The following RINT1 variants were observed in gnomAD, a reference collection of about 807,000 sequenced individuals.
RINT1 encodes the protein RAD50-interacting protein 1.
In RINT1, 75 loss-of-function variants were observed where a neutral mutation model predicts 97.7. The ratio of observed to expected loss-of-function variants is 0.77; its 90% CI spans 0.64 to 0.93. The LOEUF is 0.93. Among genes scored for constraint, RINT1 ranks in the 40% least tolerant of loss-of-function variants. RINT1 has a pLI of 0.00. For missense variants in RINT1, 892 were observed against 925.2 expected (o/e 0.96, Z 0.47); for synonymous variants, 303 against 326.3 (o/e 0.93, Z 0.77).
Position 105,551,690 on chromosome 7 carries a change from T to C in RINT1, c.1454T>C (p.Leu485Pro). ...VPDCAETFMTLLLVITDRYKN... is the reference protein window; with the variant it reads ...VPDCAETFMTPLLVITDRYKN... Reference sequence around the variant, plus strand: ...GATTGTGCAGAAACTTTTATGACTCTACTCTTGGTTATAACTGGTAAGTAT... The same window carrying C: ...GATTGTGCAGAAACTTTTATGACTCCACTCTTGGTTATAACTGGTAAGTAT... Residue 485 changes from leucine (L) to proline (P), a missense_variant, in exon 10 of 15, where the codon CTA becomes CCA. Coordinates refer to ENST00000257700, the MANE Select transcript of RINT1 (RefSeq NM_021930.6). 2 of 1,605,456 alleles carry C rather than the reference T, an allele frequency of 1.2e-6. No homozygotes were observed. The highest frequency in any genetic ancestry group is 1.7e-6 in the Non-Finnish European group (2 of 1,176,518).
chr7:105,565,352 G>T lies in RINT1; in HGVS notation c.1962G>T (p.Thr654=). The T allele has an allele frequency of 1.2e-6, 2 of 1,614,166 alleles. No individual in the cohort carries two copies. The highest frequency in any genetic ancestry group is 1.7e-6 in the Non-Finnish European group (2 of 1,180,026). ...LSSSACPLLL[T]LRDHLLQLEQ... ...GTTCGGCTTGCCCGTTGCTGCTGAC[G>T]TTACGAGACCATTTACTTCAGTTGG... The change falls in exon 13 of 15, where the codon ACG becomes ACT. Residue 654 remains threonine, a synonymous_variant. Transcript: ENST00000257700.
chr7:105,551,564 T>A lies in RINT1; in HGVS notation c.1334-6T>A. The A allele has an allele frequency of 6.3e-7, 1 of 1,589,476 alleles. No homozygotes were observed. The highest frequency in any genetic ancestry group is 8.6e-7 in the Non-Finnish European group (1 of 1,168,014). ...AATTGACATAATTGTTTTGTCTGCTTATCAGTTGCTCTTCAAAAAATGGAC... is the reference window on the plus strand; with the variant it reads ...AATTGACATAATTGTTTTGTCTGCTAATCAGTTGCTCTTCAAAAAATGGAC... On this transcript the variant is annotated splice_region_variant and splice_polypyrimidine_tract_variant and intron_variant, in intron 9 of 14. Transcript: ENST00000257700.
chr7:105,541,822 A>G (rs1201903619), intron 3 of RINT1: 4 of 152,216 alleles, frequency 2.6e-5, no homozygotes, highest in Non-Finnish European at 5.9e-5. Context: ...TGCTGAGCCT[A>G]TGGAGGCAGA....
intron 6 of RINT1, 57 bp downstream of exon 6, chr7:105,547,390 T>C (rs1162600846): frequency 1.3e-6 from 2 of 1,566,502 alleles, no homozygotes; most frequent in Admixed American, 1.8e-5. Context: ...AATGGGTTTG[T>C]GGCTAGAGAG....
chr7:105,553,120 A>G (rs1042360909), intron 10 of RINT1, among the ~76,000 whole-genome samples: 1 of 152,042 alleles, frequency 6.6e-6, no homozygotes, highest in Non-Finnish European at 1.5e-5. Flanking sequence ...TCAGGTACCT[A>G]TTGCCAAAGT....
chr7:105,551,069 C>T (rs1361061166), intron 9 of RINT1, among the ~76,000 whole-genome samples: 1 of 152,024 alleles, frequency 6.6e-6, no homozygotes, highest in Non-Finnish European at 1.5e-5. Flanking sequence ...CACTTTGTCA[C>T]CGAGGCTAGA....
intron 7 of RINT1, 123 bp from the exon 8 acceptor site, chr7:105,549,932 A>G (rs868190625): frequency 2.6e-5 from 16 of 610,030 alleles, no homozygotes; most frequent in Non-Finnish European, 3.4e-5. Flanking sequence ...TTGTGCTCTT[A>G]CATACAGGAA....
intron 9 of RINT1, among the ~76,000 whole-genome samples, chr7:105,551,339 A>G (rs566936936): frequency 2.0e-5 from 3 of 152,268 alleles, no homozygotes; most frequent in South Asian, 4.1e-4. Context: ...GGCCAATAGA[A>G]TATTTTTTAC....
At position 105,563,414 on chromosome 7, in the gene RINT1, G is replaced by A. The variant is rs369933304; in HGVS notation, c.1672-319G>A. ...CTCACTTTGTCGCCCAGGCTGGAGT[G>A]CAGAGGCATGATCTCGGCTCACTGC... On this transcript the variant is annotated intron_variant, in intron 11 of 14. Coordinates refer to ENST00000257700, the MANE Select transcript of RINT1 (RefSeq NM_021930.6). Among the ~76,000 whole-genome samples the A allele has an allele frequency of 2.6e-5, 4 of 152,310 alleles. No homozygotes were observed. The East Asian group carries it at 5.8e-4, about 22-fold the overall frequency.
intron 11 of RINT1, among the ~76,000 whole-genome samples, chr7:105,561,217 A>G (rs1791422843): frequency 6.6e-6 from 1 of 151,940 alleles, no homozygotes. Context: ...GTGTCGTTTA[A>G]AAAATATTTT....
Position 105,536,630 on chromosome 7 carries a change from C to G in RINT1, c.154C>G (p.Leu52Val). ...CAGTGAAGGTACAGATAATGGTGAT[C>G]TCCCTTCTTATGTGTCTGCATTCAT... ...QVSEGTDNGD[L>V]PSYVSAFIEK... Residue 52 changes from leucine (L) to valine (V), a missense_variant, in exon 3 of 15, where the codon CTC becomes GTC. Physicochemically the swap from Leu to Val is conservative, Grantham distance 32. Transcript: ENST00000257700. 1.2e-6 allele frequency: 2 copies of G among 1,611,700 alleles called. No homozygotes were observed. The highest frequency in any genetic ancestry group is 1.7e-6 in the Non-Finnish European group (2 of 1,178,582).
intron 3 of RINT1, among the ~76,000 whole-genome samples, chr7:105,537,023 T>C (rs544308387): frequency 1.1e-3 from 175 of 152,260 alleles, no homozygotes; most frequent in African/African-American, 3.2e-3. Context: ...TTCCTTTCAA[T>C]CTGTTTCTAG....
In RINT1 at chr7:105,563,647, A is replaced by C. The variant is rs1009993069; in HGVS notation, c.1672-86A>C. ...GTGCCCGGTCGAATTATACACTTTA[A>C]ATGGGTGAATTGTATGACATATGAA... On this transcript the variant is annotated intron_variant, in intron 11 of 14. Coordinates refer to ENST00000257700, the MANE Select transcript of RINT1 (RefSeq NM_021930.6). 42 of 1,154,666 alleles carry C rather than the reference A, an allele frequency of 3.6e-5. 1 individual carries two copies. The Admixed American group carries it at 8.2e-4, about 23-fold the overall frequency. The allele number at this position is 1,154,666 out of a possible 1,614,324, so 71.5% of individuals were successfully genotyped here. A position where few individuals can be genotyped will look rare whatever the true frequency, so the allele number is the denominator to read the frequency against.
chr7:105,548,432 T>C, intron 6 of RINT1, 122 bp from the exon 7 acceptor site: 1 of 802,186 alleles, frequency 1.2e-6, no homozygotes, highest in Non-Finnish European at 2.1e-6. Context: ...ATTTGCATCA[T>C]AATTAACTCT....
intron 2 of RINT1, among the ~76,000 whole-genome samples, chr7:105,535,233 T>C (rs1393115309): frequency 1.3e-5 from 2 of 149,870 alleles, no homozygotes; most frequent in Non-Finnish European, 3.0e-5. Context: ...AAAAACCTTT[T>C]TTTTTTTTTT....
chr7:105,564,360 T>G (rs1392830960), intron 12 of RINT1, among the ~76,000 whole-genome samples: 1 of 152,190 alleles, frequency 6.6e-6, no homozygotes, highest in Non-Finnish European at 1.5e-5. Flanking sequence ...GTGCTAGGAT[T>G]ACAGGTGTGA....
rs749178953 is a variant in RINT1 at position 105,551,678 on chromosome 7, C to A, written c.1442C>A (p.Thr481Asn). Reference sequence around the variant, plus strand: ...ATGAAAGTTCCAGATTGTGCAGAAACTTTTATGACTCTACTCTTGGTTATA... The same window carrying A: ...ATGAAAGTTCCAGATTGTGCAGAAAATTTTATGACTCTACTCTTGGTTATA... ...DEMKVPDCAE[T>N]FMTLLLVITD... The change falls in exon 10 of 15, where the codon ACT (threonine) becomes AAT (asparagine). Residue 481 changes from threonine (T) to asparagine (N), a missense_variant. Physicochemically the swap from Thr to Asn is moderately conservative, Grantham distance 65 (BLOSUM62 0). Coordinates refer to ENST00000257700, the MANE Select transcript of RINT1 (RefSeq NM_021930.6). 17 of 1,610,414 alleles carry A rather than the reference C, an allele frequency of 1.1e-5. No individual in the cohort carries two copies. In the East Asian group the frequency reaches 3.4e-4, roughly 32 times the overall value.
At chr7:105,551,839 G>T (rs1586243972) in intron 10 of RINT1, 132 bp downstream of exon 10, 2 of 645,102 alleles carry the variant, frequency 3.1e-6, no homozygotes, top group East Asian at 6.3e-5. Flanking sequence ...GCTGAGACGG[G>T]CAGGTTGCTT....
At chr7:105,559,792 A>G (rs1344902229) in intron 11 of RINT1, among the ~76,000 whole-genome samples, 1 of 152,226 alleles carries the variant, frequency 6.6e-6, no homozygotes, top group Non-Finnish European at 1.5e-5. Context: ...TCATATTCAC[A>G]GTCCTTCAGC....
Sources: gnomAD v4.1 joint callset for allele counts (sites outside exome capture counted in the v4.1 genomes callset) on GRCh38, gnomAD v4.1.1 for gene constraint, MANE v1.5 for transcripts, NCBI Gene and HGNC (gene_info 2026-07-23, HGNC 2026-07-21) for gene names.